The following BACH2 variants were observed in gnomAD, a reference collection of about 807,000 sequenced individuals.
The protein encoded by BACH2 is BACH transcriptional regulator 2.
Under a neutral mutation model 61.8 loss-of-function variants are expected in BACH2, and 5 were observed. The observed-to-expected ratio is 0.08, with a 90% CI of 0.04 to 0.17. BACH2 has a LOEUF of 0.17. Ranked by LOEUF, BACH2 falls within the 10% of genes least tolerant of loss-of-function variation. The pLI is 1.00. For synonymous variants in BACH2, 446 were observed against 440.1 expected (o/e 1.01, Z -0.17); for missense variants, 824 against 1,091.1 (o/e 0.76, Z 3.45).
intron 3 of BACH2, among the ~76,000 whole-genome samples, chr6:90,225,429 A>G (rs775092421): frequency 5.3e-5 from 8 of 152,150 alleles, no homozygotes; most frequent in Non-Finnish European, 1.2e-4. Context: ...TGTGAAATTT[A>G]GAGTTAGTGG....
At chr6:90,151,528 C>A (rs929122355) in intron 4 of BACH2, among the ~76,000 whole-genome samples, 2 of 152,160 alleles carry the variant, frequency 1.3e-5, no homozygotes, top group Admixed American at 6.5e-5. Flanking sequence ...TGGGATCAAA[C>A]GATGTTCCCA....
At chr6:90,085,796 T>C (rs1174414442) in intron 5 of BACH2, among the ~76,000 whole-genome samples, 2 of 152,156 alleles carry the variant, frequency 1.3e-5, no homozygotes, top group Non-Finnish European at 1.5e-5. Context: ...ACAGCACTCT[T>C]AGGAGGAAAG....
chr6:90,255,017 T>G (rs540697222), intron 2 of BACH2, among the ~76,000 whole-genome samples: 1 of 152,288 alleles, frequency 6.6e-6, no homozygotes, highest in Admixed American at 6.5e-5. Flanking sequence ...ATCAGATGGG[T>G]GGCTGGAGCC....
intron 4 of BACH2, among the ~76,000 whole-genome samples, chr6:90,147,618 T>C (rs1784668432): frequency 6.6e-6 from 1 of 152,194 alleles, no homozygotes; most frequent in Non-Finnish European, 1.5e-5. Flanking sequence ...GGAAATGTGC[T>C]ATGATCAACC....
At chr6:90,214,886 C>A (rs986022247) in intron 3 of BACH2, among the ~76,000 whole-genome samples, 1 of 151,388 alleles carries the variant, frequency 6.6e-6, no homozygotes, top group African/African-American at 2.4e-5. Flanking sequence ...CTCAGCTTCC[C>A]AAGTAGCTGG....
rs575711361 is a variant in BACH2 at position 90,083,518 on chromosome 6, A to G, written c.-13+5443T>C. 2.6e-5 allele frequency among the ~76,000 whole-genome samples: 4 copies of G among 152,292 alleles called. No individual in the cohort carries two copies. The East Asian group carries it at 7.7e-4, about 29-fold the overall frequency. On this transcript the variant is annotated intron_variant, in intron 5 of 8. Transcript: ENST00000257749. ...AATAATCATATCATAGGTTCTTTTT[A>G]TTTTTTAAAAAGAAACAGAATTGGC...
At chr6:90,208,749 C>T (rs1036197271) in intron 3 of BACH2, among the ~76,000 whole-genome samples, 2 of 152,174 alleles carry the variant, frequency 1.3e-5, no homozygotes, top group African/African-American at 4.8e-5. Flanking sequence ...AAAACACATG[C>T]AGATATATGT....
chr6:90,009,234 A>G (rs1777577015), intron 5 of BACH2, among the ~76,000 whole-genome samples: 1 of 152,248 alleles, frequency 6.6e-6, no homozygotes, highest in South Asian at 2.1e-4. Context: ...AATAGCCTCT[A>G]TGCAAGGACT....
At chr6:90,138,889 G>A (rs1784371658) in intron 4 of BACH2, among the ~76,000 whole-genome samples, 1 of 152,142 alleles carries the variant, frequency 6.6e-6, no homozygotes, top group Admixed American at 6.5e-5. Flanking sequence ...CGTACCACAT[G>A]GTTTTGTAAC....
At chr6:89,976,784 A>G (rs1165727050) in intron 6 of BACH2, among the ~76,000 whole-genome samples, 3 of 152,190 alleles carry the variant, frequency 2.0e-5, no homozygotes, top group Non-Finnish European at 4.4e-5. Context: ...ACTAGCCCAA[A>G]GGCAATAACA....
intron 1 of BACH2, among the ~76,000 whole-genome samples, chr6:90,291,866 A>G (rs1014638016): frequency 6.6e-6 from 1 of 152,168 alleles, no homozygotes; most frequent in African/African-American, 2.4e-5. Context: ...CTTCTTTTCC[A>G]AAGAAATTCC....
chr6:90,294,611 G>A (rs537968444), intron 1 of BACH2, among the ~76,000 whole-genome samples: 1 of 152,306 alleles, frequency 6.6e-6, no homozygotes, highest in South Asian at 2.1e-4. Flanking sequence ...ACAGACTAAA[G>A]ACTAATTCTA....
chr6:90,253,159 G>T (rs1770864659), intron 2 of BACH2, among the ~76,000 whole-genome samples: 3 of 152,140 alleles, frequency 2.0e-5, no homozygotes. Context: ...CAGGAGAATT[G>T]CTTGAGCCTG....
intron 4 of BACH2, among the ~76,000 whole-genome samples, chr6:90,103,029 A>ATATATATTTTTTT: frequency 2.4e-3 from 50 of 21,156 alleles, no homozygotes; most frequent in Admixed American, 3.6e-3. Context: ...ATATATATAT[A>ATATATATTTTTTT]TTTTTTTTTT....
intron 6 of BACH2, among the ~76,000 whole-genome samples, chr6:89,971,937 C>T (rs1775384067): frequency 1.3e-5 from 2 of 152,144 alleles, no homozygotes; most frequent in Admixed American, 1.3e-4. Flanking sequence ...AACCATGTCA[C>T]AGGGGAAGTA....
At chr6:89,987,996 G>A (rs184761727) in intron 6 of BACH2, among the ~76,000 whole-genome samples, 7 of 152,248 alleles carry the variant, frequency 4.6e-5, no homozygotes, top group African/African-American at 1.7e-4. Flanking sequence ...TCTCCTATAA[G>A]TCTATGAATG....
intron 2 of BACH2, among the ~76,000 whole-genome samples, chr6:90,262,496 T>A (rs1366878565): frequency 1.3e-5 from 2 of 152,200 alleles, no homozygotes; most frequent in East Asian, 3.8e-4. Flanking sequence ...TCCTGCCCTG[T>A]TCCTTTTTGA....
At chr6:90,044,710 C>T (rs1385454883) in intron 5 of BACH2, among the ~76,000 whole-genome samples, 1 of 152,122 alleles carries the variant, frequency 6.6e-6, no homozygotes, top group South Asian at 2.1e-4. Context: ...ACAGGTGGAG[C>T]TGACGGGATT....
intron 1 of BACH2, among the ~76,000 whole-genome samples, chr6:90,276,143 T>C (rs1347650306): frequency 6.6e-6 from 1 of 152,206 alleles, no homozygotes; most frequent in Non-Finnish European, 1.5e-5. Flanking sequence ...CAGCAATACA[T>C]GTGTAAAACG....
Sources: gnomAD v4.1 joint callset for allele counts (sites outside exome capture counted in the v4.1 genomes callset) on GRCh38, gnomAD v4.1.1 for gene constraint, MANE v1.5 for transcripts, NCBI Gene and HGNC (gene_info 2026-07-23, HGNC 2026-07-21) for gene names.